The following SLIT1 variants were observed in gnomAD, a reference collection of about 807,000 sequenced individuals.
The protein encoded by SLIT1 is slit homolog 1 protein.
In SLIT1, 66 loss-of-function variants were observed where a neutral mutation model predicts 186.1. The ratio of observed to expected loss-of-function variants is 0.35; its 90% CI spans 0.29 to 0.44. The LOEUF (loss-of-function observed/expected upper bound fraction) is 0.44. Among genes scored for constraint, SLIT1 ranks in the 20% least tolerant of loss-of-function variants. The pLI is 1.00. For missense variants in SLIT1, 1,638 were observed against 2,037.4 expected (o/e 0.80, Z 3.77); for synonymous variants, 761 against 833.8 (o/e 0.91, Z 1.50).
intron 17 of SLIT1, 88 bp from the exon 18 acceptor site, chr10:97,046,885 C>G (rs566217594): frequency 2.8e-5 from 44 of 1,578,360 alleles, no homozygotes; most frequent in Admixed American, 2.0e-4. Flanking sequence ...CCCCCACACA[C>G]AGAGTCCTGG....
At chr10:97,083,908 G>A (rs1261660018) in intron 4 of SLIT1, among the ~76,000 whole-genome samples, 1 of 152,088 alleles carries the variant, frequency 6.6e-6, no homozygotes, top group Non-Finnish European at 1.5e-5. Flanking sequence ...CTTGGAGGGG[G>A]GATCCAAGGC....
At chr10:97,038,678 C>G (rs866626353) in intron 21 of SLIT1, among the ~76,000 whole-genome samples, 1 of 152,112 alleles carries the variant, frequency 6.6e-6, no homozygotes. Context: ...TCTCCACCCC[C>G]CAACTAACTA....
intron 18 of SLIT1, among the ~76,000 whole-genome samples, chr10:97,044,784 A>G (rs751965629): frequency 2.0e-5 from 3 of 152,222 alleles, no homozygotes; most frequent in Non-Finnish European, 4.4e-5. Flanking sequence ...ATCTTTAGGA[A>G]TTCCTAACAA....
At chr10:97,056,529 T>C (rs1012779930) in intron 12 of SLIT1, 65 bp from the exon 13 acceptor site, 6 of 1,550,698 alleles carry the variant, frequency 3.9e-6, no homozygotes, top group Non-Finnish European at 4.4e-6. Context: ...TCTCAGGTCC[T>C]GGGCACCTTC....
chr10:97,182,611 T>C (rs1387263849), intron 1 of SLIT1, among the ~76,000 whole-genome samples: 1 of 152,162 alleles, frequency 6.6e-6, no homozygotes, highest in African/African-American at 2.4e-5. Flanking sequence ...CCTGCTCCAC[T>C]TCCCCAGGAT....
At chr10:97,057,913 C>T in intron 11 of SLIT1, 1 of 702,632 alleles carries the variant, frequency 1.4e-6, no homozygotes, top group East Asian at 2.7e-5. Flanking sequence ...GGGTTGTATG[C>T]CATTCCCAAT....
At chr10:97,165,079 C>G (rs1332134524) in intron 1 of SLIT1, among the ~76,000 whole-genome samples, 189 bp from the exon 2 acceptor site, 1 of 152,076 alleles carries the variant, frequency 6.6e-6, no homozygotes, top group Non-Finnish European at 1.5e-5. Flanking sequence ...ACATCCAACC[C>G]ACTGGAACCG....
chr10:97,125,865 A>G (rs1398578270), intron 4 of SLIT1, among the ~76,000 whole-genome samples: 5 of 152,062 alleles, frequency 3.3e-5, no homozygotes, highest in Admixed American at 3.3e-4. Flanking sequence ...AACAAAAAAA[A>G]CAAGAGTCTG....
At chr10:97,157,185 G>A (rs1849963007) in intron 4 of SLIT1, 1 of 152,196 alleles carries the variant, frequency 6.6e-6, no homozygotes, top group Non-Finnish European at 1.5e-5. Context: ...AGCTGCAGAA[G>A]AGATTCCTTA....
Position 97,139,301 on chromosome 10 carries a change from T to G in SLIT1, c.413+18517A>C, listed in dbSNP as rs578065149. Among the ~76,000 whole-genome samples, 171 of 152,278 alleles carry G rather than the reference T, an allele frequency of 1.1e-3. 1 individual carries two copies. Among genetic ancestry groups the G allele is most frequent in the African/African-American group, 4.0e-3 (167 of 41,562 alleles). ...CATCAACCAGGAATCACATTAAGGA[T>G]TCACAATCCCAGGGCCAGTAGCCTT... On this transcript the variant is annotated intron_variant, in intron 4 of 36. Coordinates refer to ENST00000266058, the MANE Select transcript of SLIT1 (RefSeq NM_003061.3).
intron 1 of SLIT1, among the ~76,000 whole-genome samples, chr10:97,168,583 G>A (rs1463752941): frequency 6.6e-6 from 1 of 152,116 alleles, no homozygotes; most frequent in Non-Finnish European, 1.5e-5. Flanking sequence ...GCCATAAAGT[G>A]TCCCTTCATT....
chr10:97,027,662 C>G (rs572532667), intron 25 of SLIT1, among the ~76,000 whole-genome samples: 15 of 152,338 alleles, frequency 9.8e-5, no homozygotes, highest in African/African-American at 3.4e-4. Flanking sequence ...GGCCTGATAT[C>G]ACTGTTCTCC....
Position 97,058,180 on chromosome 10 carries a change from T to A in SLIT1, c.1086-899A>T, listed in dbSNP as rs896295316. On this transcript the variant is annotated intron_variant, in intron 11 of 36. Coordinates refer to ENST00000266058, the MANE Select transcript of SLIT1 (RefSeq NM_003061.3). ...GCATCAGGAAGCCACTGAGACAGCA[T>A]CAGATTCCCATTTCAGAAACACCCC... 3 of 659,060 alleles carry A rather than the reference T, an allele frequency of 4.6e-6. No homozygotes were observed. The African/African-American group carries it at 5.4e-5, about 12-fold the overall frequency. 40.8% of individuals were successfully genotyped at this position (659,060 alleles called of 1,614,324 possible).
chr10:97,100,590 G>A lies in SLIT1; in HGVS notation c.414-34504C>T, dbSNP rs573352887. Among the ~76,000 whole-genome samples, 8 of 150,002 alleles carry A rather than the reference G, an allele frequency of 5.3e-5. No individual in the cohort carries two copies. In the East Asian group the frequency reaches 5.9e-4, roughly 11 times the overall value. On this transcript the variant is annotated intron_variant, in intron 4 of 36. Coordinates refer to ENST00000266058, the MANE Select transcript of SLIT1 (RefSeq NM_003061.3). ...GGCAGAGGCTGCAGTGAGCCAAGTC[G>A]CATCACTGCACTACAGCCTGGGCAA...
At chr10:97,110,427 C>T (rs1024872855) in intron 4 of SLIT1, among the ~76,000 whole-genome samples, 2 of 152,160 alleles carry the variant, frequency 1.3e-5, no homozygotes, top group Non-Finnish European at 2.9e-5. Flanking sequence ...TCCAAATACA[C>T]ACCAAAAGGA....
intron 1 of SLIT1, among the ~76,000 whole-genome samples, chr10:97,180,813 A>G (rs1190466228): frequency 6.6e-6 from 1 of 152,064 alleles, no homozygotes; most frequent in Non-Finnish European, 1.5e-5. Flanking sequence ...TCAAATCCTT[A>G]CCTCCCGAGC....
intron 31 of SLIT1, among the ~76,000 whole-genome samples, chr10:97,008,655 C>T (rs1171149839): frequency 1.4e-5 from 2 of 147,310 alleles, no homozygotes; most frequent in Non-Finnish European, 3.0e-5. Flanking sequence ...AAGATTGTGA[C>T]ATTGCACTCC....
At chr10:97,114,715 G>A (rs1450433982) in intron 4 of SLIT1, among the ~76,000 whole-genome samples, 1 of 152,066 alleles carries the variant, frequency 6.6e-6, no homozygotes, top group African/African-American at 2.4e-5. Flanking sequence ...GGATACTTAG[G>A]GTCATCCCTT....
chr10:97,175,632 G>T lies in SLIT1; in HGVS notation c.197+9846C>A, dbSNP rs547907373. On this transcript the variant is annotated intron_variant, in intron 1 of 36. Transcript: ENST00000266058. ...CCAACTCCATAGGATTCTGTCCTGA[G>T]GCCCAAAGTGCACCCCAGTCCCTTC... 2.6e-5 allele frequency among the ~76,000 whole-genome samples: 4 copies of T among 152,204 alleles called. No individual in the cohort carries two copies. In the East Asian group the frequency reaches 7.7e-4, roughly 29 times the overall value.
Sources: gnomAD v4.1 joint callset for allele counts (sites outside exome capture counted in the v4.1 genomes callset) on GRCh38, gnomAD v4.1.1 for gene constraint, MANE v1.5 for transcripts, NCBI Gene and HGNC (gene_info 2026-07-23, HGNC 2026-07-21) for gene names.